ZZEF1: variants seen among roughly 807,000 people sequenced by gnomAD.
ZZEF1 encodes zinc finger ZZ-type and EF-hand domain-containing protein 1.
Under a neutral mutation model 342.8 loss-of-function variants are expected in ZZEF1, and 157 were observed. The ratio of observed to expected loss-of-function variants is 0.46; its 90% CI spans 0.40 to 0.52. The LOEUF is 0.52. Among genes scored for constraint, ZZEF1 ranks in the 20% least tolerant of loss-of-function variants. The pLI, the probability that ZZEF1 is intolerant of heterozygous loss-of-function variation, is 0.00. For synonymous variants in ZZEF1, 1,505 were observed against 1,429.1 expected (o/e 1.05, Z -1.20); for missense variants, 3,480 against 3,725.6 (o/e 0.93, Z 1.72).
In ZZEF1 at chr17:4,109,795, C is replaced by T. The variant is rs779850916; in HGVS notation, c.1135G>A (p.Val379Ile). The T allele has an allele frequency of 1.2e-6, 2 of 1,614,224 alleles. No homozygotes were observed. The highest frequency in any genetic ancestry group is 3.3e-5 in the Admixed American group (2 of 60,024). ...CDTRIHGLRA[V>I]GFQRVKKSGV... ...GACTTCTTAACTCTCTGAAAGCCAA[C>T]AGCCCTGAGACCATGAATTCTAGTG... Residue 379 changes from valine (V) to isoleucine (I), a missense_variant, in exon 6 of 55, where the codon GTT becomes ATT. Around this residue, in one of 5 missense-constraint regions of ZZEF1, gnomAD observed 1,528 missense variants for 1,624.1 expected, o/e 0.94. Coordinates refer to ENST00000381638, the MANE Select transcript of ZZEF1 (RefSeq NM_015113.4).
chr17:4,119,095 A>G (rs536077511), intron 2 of ZZEF1, among the ~76,000 whole-genome samples: 16 of 152,346 alleles, frequency 1.1e-4, no homozygotes, highest in African/African-American at 3.8e-4. Context: ...GGCCTTATGG[A>G]CAGGAATGGA....
chr17:4,104,470 T>C (rs1395595491), intron 8 of ZZEF1, among the ~76,000 whole-genome samples, 163 bp downstream of exon 8: 1 of 152,148 alleles, frequency 6.6e-6, no homozygotes, highest in Non-Finnish European at 1.5e-5. Flanking sequence ...CTGCCAATCC[T>C]AGTAAGGTCT....
At chr17:4,081,297 A>AG (rs2057718693) in intron 18 of ZZEF1, 79 bp downstream of exon 18, 2 of 1,151,002 alleles carry the variant, frequency 1.7e-6, no homozygotes, top group Non-Finnish European at 2.6e-6. Context: ...AAAGAGGCAA[A>AG]GGGGGGCACA....
chr17:4,052,633 G>A (rs1444888440), intron 34 of ZZEF1, among the ~76,000 whole-genome samples: 1 of 152,212 alleles, frequency 6.6e-6, no homozygotes, highest in African/African-American at 2.4e-5. Context: ...TTGGGAGGCC[G>A]AGGCAGGCAG....
At position 4,142,572 on chromosome 17, in the gene ZZEF1, G is replaced by C; in HGVS notation, c.324C>G (p.Gly108=). The C allele has an allele frequency of 1.2e-6, 2 of 1,603,358 alleles. No homozygotes were observed. The highest frequency in any genetic ancestry group is 8.5e-7 in the Non-Finnish European group (1 of 1,179,626). The change falls in exon 1 of 55, where the codon GGC becomes GGG. Residue 108 remains glycine, a synonymous_variant. Coordinates refer to ENST00000381638, the MANE Select transcript of ZZEF1 (RefSeq NM_015113.4). ...CGAACTGCTCGCTAGAGCAGCCGGC[G>C]CCGCGAGCCTCCAGCAGCTCCCGGA... ...EQFRELLEAR[G]AGCSSEQFEE...
At chr17:4,123,509 C>T (rs1438207088) in intron 2 of ZZEF1, among the ~76,000 whole-genome samples, 3 of 151,644 alleles carry the variant, frequency 2.0e-5, no homozygotes, top group Non-Finnish European at 4.4e-5. Context: ...AAGGTCCCTG[C>T]CCTCGTGGAA....
At chr17:4,097,251 CAA>C (rs11322795) in intron 9 of ZZEF1, among the ~76,000 whole-genome samples, 29 of 137,258 alleles carry the variant, frequency 2.1e-4, no homozygotes, top group South Asian at 4.6e-4. Context: ...AACTCCGTCT[CAA>C]AAAAAAAAAA....
At position 4,132,155 on chromosome 17, in the gene ZZEF1, T is replaced by C. The variant is rs562292409; in HGVS notation, c.355-8104A>G. On this transcript the variant is annotated intron_variant, in intron 1 of 54. Coordinates refer to ENST00000381638, the MANE Select transcript of ZZEF1 (RefSeq NM_015113.4). The stretch of plus-strand genomic sequence containing the variant: ...TCTTGTTCAAGTCCTGTCGGCTATA[T>C]ACCGTGTGCATGTACAACTGATAAA... 6.6e-5 allele frequency among the ~76,000 whole-genome samples: 10 copies of C among 151,988 alleles called. No homozygotes were observed. In the South Asian group the frequency reaches 1.2e-3, roughly 19 times the overall value.
At chr17:4,021,096 C>A (rs755057395) in intron 45 of ZZEF1, 33 bp downstream of exon 45, 1 of 1,553,740 alleles carries the variant, frequency 6.4e-7, no homozygotes, top group Non-Finnish European at 8.7e-7. Context: ...CTCAGAAGCC[C>A]CTCCTAAGCC....
chr17:4,048,873 A>ATTTTTTTTTTTTTT (rs71144157), intron 37 of ZZEF1, among the ~76,000 whole-genome samples: 116 of 133,720 alleles, frequency 8.7e-4, no homozygotes, highest in East Asian at 1.3e-3. Flanking sequence ...AGCCTGGATA[A>ATTTTTTTTTTTTTT]TTTTTTTTTT....
intron 52 of ZZEF1, among the ~76,000 whole-genome samples, chr17:4,010,711 T>G (rs1287564874): frequency 2.5e-5 from 2 of 79,766 alleles, no homozygotes; most frequent in African/African-American, 5.4e-5. Context: ...AGTGACAGTG[T>G]GAGATTCCGT....
Position 4,070,693 on chromosome 17 carries a change from G to T in ZZEF1, c.4066C>A (p.Gln1356Lys). 6.2e-7 allele frequency: 1 copy of T among 1,611,262 alleles called. No homozygotes were observed. Residue 1356 changes from glutamine to lysine, a missense_variant, in exon 26 of 55, where the codon CAA becomes AAA. Around this residue, in one of 5 missense-constraint regions of ZZEF1, gnomAD observed 1,528 missense variants for 1,624.1 expected, o/e 0.94. Transcript: ENST00000381638. The part of the protein sequence containing the change: ...YRTPDLYEKL[Q>K]KYVNSGGKIA... Reference sequence around the variant, plus strand: ...CCTGTAATAAAGTTACCATATTTTTGCAGCTTCTCATATAAATCTGGAGTG... The same window carrying T: ...CCTGTAATAAAGTTACCATATTTTTTCAGCTTCTCATATAAATCTGGAGTG...
rs762769638 is a variant in ZZEF1, at chr17:4,116,958, C to A, written c.694+14G>T. The stretch of plus-strand genomic sequence containing the variant: ...GATCAGAGTATTTTCAGGAGAACCC[C>A]CACACACACATACCCTTTTCCTTTT... On this transcript the variant is annotated intron_variant, in intron 3 of 54. Transcript: ENST00000381638. 12 of 1,573,758 alleles carry A rather than the reference C, an allele frequency of 7.6e-6. No individual in the cohort carries two copies. Among genetic ancestry groups the A allele is most frequent in the Admixed American group, 3.6e-5 (2 of 55,904 alleles).
Position 4,019,750 on chromosome 17 carries a change from T to C in ZZEF1, c.7424A>G (p.Asn2475Ser), listed in dbSNP as rs146682751. 100 of 1,610,634 alleles carry C rather than the reference T, an allele frequency of 6.2e-5. No homozygotes were observed. The highest frequency in any genetic ancestry group is 3.3e-4 in the Middle Eastern group (2 of 6,068). ...ICFLMAHDAL[N>S]APLHILRAIY... is the part of the protein sequence containing the mutation. ...GGCCCGGAGAATGTGCAGAGGGGCA[T>C]TGAGGGCATCATGAGCCATCTGGAG... is the stretch of plus-strand genomic sequence containing the variant. The change falls in exon 46 of 55, where the codon AAT (asparagine) becomes AGT (serine). Residue 2475 changes from asparagine to serine, a missense_variant. Asn to Ser is a conservative substitution (Grantham distance 46). Around this residue, in one of 5 missense-constraint regions of ZZEF1, gnomAD observed 1,269 missense variants for 1,342.4 expected, o/e 0.95. Transcript: ENST00000381638.
intron 9 of ZZEF1, 49 bp from the exon 10 acceptor site, chr17:4,096,749 C>G (rs1292546335): frequency 6.9e-7 from 1 of 1,445,660 alleles, no homozygotes; most frequent in African/African-American, 1.4e-5. Context: ...TTTTTATAGC[C>G]CTAAGAACTA....
rs546646801 is a variant in ZZEF1, at chr17:4,087,562, T to C, written c.2242-28A>G. 5.1e-6 allele frequency: 8 copies of C among 1,567,412 alleles called. No homozygotes were observed. In the Admixed American group the frequency reaches 7.8e-5, roughly 15 times the overall value. ...AAAAAATTATAAAGATCAGAATAAATAAAACTGAAAAATGCATTTAGAGAA... is the reference window on the plus strand; with the variant it reads ...AAAAAATTATAAAGATCAGAATAAACAAAACTGAAAAATGCATTTAGAGAA... On this transcript the variant is annotated intron_variant, in intron 13 of 54. Coordinates refer to ENST00000381638, the MANE Select transcript of ZZEF1 (RefSeq NM_015113.4).
At chr17:4,046,363 C>T (rs935229291) in intron 37 of ZZEF1, among the ~76,000 whole-genome samples, 3 of 152,174 alleles carry the variant, frequency 2.0e-5, no homozygotes, top group South Asian at 4.1e-4. Flanking sequence ...GGGTGCCTTT[C>T]CCTATTGTCA....
chr17:4,096,306 TA>T (rs918694166), intron 10 of ZZEF1, among the ~76,000 whole-genome samples: 30 of 146,724 alleles, frequency 2.0e-4, no homozygotes, highest in Admixed American at 3.4e-4. Flanking sequence ...GGTCTGACTT[TA>T]AAAAAAAAAA....
Position 4,017,974 on chromosome 17 carries a change from G to A in ZZEF1, c.7506-3C>T, listed in dbSNP as rs780286096. 1.2e-6 allele frequency: 2 copies of A among 1,612,774 alleles called. No homozygotes were observed. Among genetic ancestry groups the A allele is most frequent in the Admixed American group, 1.7e-5 (1 of 60,010 alleles). On this transcript the variant is annotated splice_polypyrimidine_tract_variant and splice_region_variant and intron_variant, in intron 46 of 54. Transcript: ENST00000381638. This position sits in a 1 kb window ranked among gnomAD's most constrained non-coding sequence, Gnocchi z 5.1. The stretch of plus-strand genomic sequence containing the variant: ...TGGTGAGCTCATCACCATCAAACCT[G>A]CAGAAGGGCAGCACAAAGTTGAGTA...
Sources: gnomAD v4.1 joint callset for allele counts (sites outside exome capture counted in the v4.1 genomes callset) on GRCh38, gnomAD v4.1.1 for gene constraint, gnomAD v4.1.1 regional missense constraint, Gnocchi (gnomAD v3.1) non-coding constraint, MANE v1.5 for transcripts, NCBI Gene and HGNC (gene_info 2026-07-23, HGNC 2026-07-21) for gene names.